HIPK3: variants seen among roughly 807,000 people sequenced by gnomAD.
The protein encoded by HIPK3 is homeodomain interacting protein kinase 3, also known as homeodomain-interacting protein kinase 3.
HIPK3 carries 47 observed loss-of-function variants against 124.2 expected under a neutral mutation model. The ratio of observed to expected loss-of-function variants is 0.38; its 90% CI spans 0.30 to 0.48. The LOEUF (loss-of-function observed/expected upper bound fraction) is 0.48, where lower values mean the gene tolerates loss of function less well. Among genes scored for constraint, HIPK3 ranks in the 20% least tolerant of loss-of-function variants. The pLI, the probability that HIPK3 is intolerant of heterozygous loss-of-function variation, is 0.98. For missense variants in HIPK3, 1,286 were observed against 1,454.3 expected (o/e 0.88, Z 1.88); for synonymous variants, 482 against 515.2 (o/e 0.94, Z 0.87).
At chr11:33,283,816 A>C (rs1454184820) in intron 1 of HIPK3, among the ~76,000 whole-genome samples, 1 of 151,944 alleles carries the variant, frequency 6.6e-6, no homozygotes, top group African/African-American at 2.4e-5. Context: ...CTAGGATTAT[A>C]GGTGTGCACC....
In HIPK3 at chr11:33,347,941, T is replaced by G; in HGVS notation, c.2234T>G (p.Val745Gly). 2 of 1,614,158 alleles carry G rather than the reference T, an allele frequency of 1.2e-6. No homozygotes were observed. The highest frequency in any genetic ancestry group is 1.7e-6 in the Non-Finnish European group (2 of 1,179,998). ...NQITLSAPQP[V>G]SVGIAHVVWP... Reference sequence around the variant, plus strand: ...ATAACTTTATCTGCCCCTCAGCCAGTTAGTGTGGGGATTGCACATGTTGTC... The same window carrying G: ...ATAACTTTATCTGCCCCTCAGCCAGGTAGTGTGGGGATTGCACATGTTGTC... Residue 745 changes from valine (V) to glycine (G), a missense_variant, in exon 11 of 17, where the codon GTT (valine) becomes GGT (glycine). Coordinates refer to ENST00000303296, the MANE Select transcript of HIPK3 (RefSeq NM_005734.5).
intron 2 of HIPK3, among the ~76,000 whole-genome samples, chr11:33,321,381 T>C (rs1852658481): frequency 6.6e-6 from 1 of 152,128 alleles, no homozygotes; most frequent in Non-Finnish European, 1.5e-5. Context: ...AAAGGGGTGA[T>C]GGCTGAAGGA....
chr11:33,283,243 T>A (rs1851459607), intron 1 of HIPK3, among the ~76,000 whole-genome samples: 1 of 151,944 alleles, frequency 6.6e-6, no homozygotes, highest in Non-Finnish European at 1.5e-5. Flanking sequence ...CCCGAGTAGC[T>A]GGGACTATAA....
chr11:33,334,670 A>G (rs1444785679), intron 3 of HIPK3, among the ~76,000 whole-genome samples: 1 of 152,150 alleles, frequency 6.6e-6, no homozygotes, highest in Non-Finnish European at 1.5e-5. Context: ...AAAAATCACA[A>G]AAAAATCTCA....
chr11:33,303,494 A>G (rs1260231997), intron 2 of HIPK3, among the ~76,000 whole-genome samples: 2 of 152,206 alleles, frequency 1.3e-5, no homozygotes, highest in Non-Finnish European at 2.9e-5. Context: ...AAAGCCTTTA[A>G]TGTCAAAGGT....
intron 2 of HIPK3, among the ~76,000 whole-genome samples, chr11:33,314,040 T>C (rs1852424062): frequency 6.6e-6 from 1 of 152,086 alleles, no homozygotes; most frequent in African/African-American, 2.4e-5. Context: ...CAGGCTGGTC[T>C]CGTACTCCTG....
At chr11:33,300,986 G>A (rs564326217) in intron 2 of HIPK3, among the ~76,000 whole-genome samples, 1 of 152,212 alleles carries the variant, frequency 6.6e-6, no homozygotes, top group Admixed American at 6.5e-5. Flanking sequence ...GTCTCCCAAA[G>A]TGCTACAATT....
At chr11:33,290,355 T>A (rs987227160) in intron 2 of HIPK3, among the ~76,000 whole-genome samples, 1 of 152,166 alleles carries the variant, frequency 6.6e-6, no homozygotes, top group Non-Finnish European at 1.5e-5. Context: ...TAGCTTTTAA[T>A]TTTTTTCTGG....
chr11:33,267,505 T>TG (rs1194052332), intron 1 of HIPK3, among the ~76,000 whole-genome samples: 2 of 150,814 alleles, frequency 1.3e-5, no homozygotes, highest in African/African-American at 4.9e-5. Flanking sequence ...TATTATTATT[T>TG]TTTTTTTTGA....
In HIPK3 at chr11:33,348,024, G is replaced by T. The variant is rs772328010; in HGVS notation, c.2306+11G>T. The T allele has an allele frequency of 6.2e-7, 1 of 1,613,826 alleles. No homozygotes were observed. Among genetic ancestry groups the T allele is most frequent in the Admixed American group, 1.7e-5 (1 of 60,016 alleles). ...ACAGTGCCAGAACAGGTTGGTATTG[G>T]TGCTTTAGCTTTCCTCTGCATTTTG... On this transcript the variant is annotated intron_variant, in intron 11 of 16. Coordinates refer to ENST00000303296, the MANE Select transcript of HIPK3 (RefSeq NM_005734.5).
At chr11:33,260,892 A>G (rs916146275) in intron 1 of HIPK3, among the ~76,000 whole-genome samples, 2 of 152,030 alleles carry the variant, frequency 1.3e-5, no homozygotes, top group African/African-American at 4.8e-5. Context: ...CTCCCAATGT[A>G]GTATGTTTAA....
chr11:33,346,352 A>T (rs1853492150), intron 8 of HIPK3, among the ~76,000 whole-genome samples: 1 of 152,198 alleles, frequency 6.6e-6, no homozygotes, highest in Non-Finnish European at 1.5e-5. Context: ...AATACTAGTC[A>T]ATTAAGCCAC....
chr11:33,272,714 C>T (rs925823327), intron 1 of HIPK3, among the ~76,000 whole-genome samples: 1 of 119,902 alleles, frequency 8.3e-6, no homozygotes, highest in Non-Finnish European at 1.8e-5. Flanking sequence ...ATTCTGTTGC[C>T]GAGGCTGAAG....
intron 3 of HIPK3, among the ~76,000 whole-genome samples, chr11:33,329,965 C>T (rs921266896): frequency 2.6e-5 from 4 of 152,056 alleles, no homozygotes; most frequent in African/African-American, 9.7e-5. Flanking sequence ...TTATTATACT[C>T]GATTAGGACT....
chr11:33,309,478 A>G (rs981520888), intron 2 of HIPK3, among the ~76,000 whole-genome samples: 14 of 152,268 alleles, frequency 9.2e-5, no homozygotes, highest in African/African-American at 3.4e-4. Context: ...ACAGGAAGCT[A>G]TGAAAGTCCC....
At chr11:33,257,154 G>T (rs1306167113), upstream of HIPK3, among the ~76,000 whole-genome samples, 1 of 152,076 alleles carries the variant, frequency 6.6e-6, no homozygotes, top group Non-Finnish European at 1.5e-5. Flanking sequence ...TGGCTTGCGG[G>T]ACTCCGGGTT....
At chr11:33,296,280 G>T (rs1191730102) in intron 2 of HIPK3, among the ~76,000 whole-genome samples, 1 of 152,120 alleles carries the variant, frequency 6.6e-6, no homozygotes, top group African/African-American at 2.4e-5. Flanking sequence ...CAGATGTTCT[G>T]ACTTACCTTG....
chr11:33,345,398 C>G (rs371402546), intron 8 of HIPK3, among the ~76,000 whole-genome samples: 4 of 152,138 alleles, frequency 2.6e-5, no homozygotes, highest in Admixed American at 1.3e-4. Context: ...CAAATATAAT[C>G]AAAGATAAAG....
At chr11:33,302,739 AC>A (rs1349813883) in intron 2 of HIPK3, among the ~76,000 whole-genome samples, 1 of 152,182 alleles carries the variant, frequency 6.6e-6, no homozygotes, top group Admixed American at 6.5e-5. Context: ...TTTGCATAGA[AC>A]GAGTGGACCA....
Sources: gnomAD v4.1 joint callset for allele counts (sites outside exome capture counted in the v4.1 genomes callset) on GRCh38, gnomAD v4.1.1 for gene constraint, MANE v1.5 for transcripts, NCBI Gene and HGNC (gene_info 2026-07-23, HGNC 2026-07-21) for gene names.